Variants in OTOG observed in about 807,000 individuals in gnomAD.
The protein encoded by OTOG is otogelin.
OTOG carries 296 observed loss-of-function variants against 313.8 expected under a neutral mutation model. The ratio of observed to expected loss-of-function variants is 0.94; its 90% confidence interval spans 0.86 to 1.04. The LOEUF (loss-of-function observed/expected upper bound fraction) is 1.04. Among genes scored for constraint, OTOG ranks in the 50% least tolerant of loss-of-function variants. The probability of loss-of-function intolerance (pLI) is 0.00; values close to 1 mark genes in which losing one functional copy is unlikely to be tolerated. For synonymous variants in OTOG, 1,533 were observed against 1,554.9 expected, an observed-to-expected ratio of 0.99 and a Z score of 0.33; for missense variants, 3,948 against 3,840.1, an observed-to-expected ratio of 1.03 and a Z score of -0.74.
At chr11:17,639,952 G>A (rs763544644) in intron 49 of OTOG, among the ~76,000 whole-genome samples, 3 of 150,808 alleles carry the variant, frequency 2.0e-5, no homozygotes, top group Non-Finnish European at 4.4e-5. Context: ...TGCAATGATG[G>A]TGGTGGTGGG....
rs554754142 is a variant in OTOG, at chr11:17,623,600, A to G, written c.6529-5533A>G. On this transcript the variant is annotated intron_variant, in intron 39 of 55. Transcript: ENST00000399397. ...CTTTGCTATTGTGAGTAGTGCTACC[A>G]TGAATATATGTGTGCAGGTGTGTTT... 3.9e-5 allele frequency among the ~76,000 whole-genome samples: 6 copies of G among 152,268 alleles called. No homozygotes were observed. In the South Asian group the frequency reaches 1.2e-3, roughly 32 times the overall value.
At chr11:17,630,954 C>T (rs1238871324) in intron 40 of OTOG, among the ~76,000 whole-genome samples, 2 of 152,304 alleles carry the variant, frequency 1.3e-5, no homozygotes, top group East Asian at 3.9e-4. Flanking sequence ...ACATAAGTTC[C>T]CAAATGGATA....
At chr11:17,559,806 G>A in intron 12 of OTOG, 144 bp downstream of exon 12, 160 of 785,556 alleles carry the variant, frequency 2.0e-4, no homozygotes, top group South Asian at 1.4e-3. Context: ...AAAAAAAGAA[G>A]GAAAGAAGGA....
At position 17,596,102 on chromosome 11, in the gene OTOG, A is replaced by G. The variant is rs1159851180; in HGVS notation, c.3473A>G (p.Lys1158Arg). The G allele has an allele frequency of 6.4e-7, 1 of 1,550,716 alleles. No homozygotes were observed. Among genetic ancestry groups the G allele is most frequent in the Non-Finnish European group, 8.7e-7 (1 of 1,147,032 alleles). Reference sequence around the variant, plus strand: ...AATCCTCTCCGAGAACCATTTGCCAAGAAGGAGTGCAGCATCCTGCTCAGT... The same window carrying G: ...AATCCTCTCCGAGAACCATTTGCCAGGAAGGAGTGCAGCATCCTGCTCAGT... ...VLNPLREPFA[K>R]KECSILLSEV... Residue 1158 changes from lysine to arginine, a missense_variant, in exon 29 of 56, where the codon AAG becomes AGG. Transcript: ENST00000399397.
At position 17,599,660 on chromosome 11, in the gene OTOG, C is replaced by T. The variant is rs1318137428; in HGVS notation, c.3683-11C>T. On this transcript the variant is annotated splice_polypyrimidine_tract_variant and intron_variant, in intron 30 of 55. Coordinates refer to ENST00000399397, the MANE Select transcript of OTOG (RefSeq NM_001292063.2). ...CTGGCTCTCAGGAAGTTCCTGTTCT[C>T]TCTCTTTCAGCGTATGACTGTGACT... The T allele has an allele frequency of 1.3e-6, 2 of 1,550,570 alleles. No individual in the cohort carries two copies. The highest frequency in any genetic ancestry group is 2.0e-5 in the Admixed American group (1 of 50,990).
chr11:17,599,347 C>G (rs376916149), intron 30 of OTOG, among the ~76,000 whole-genome samples: 1 of 152,242 alleles, frequency 6.6e-6, no homozygotes, highest in Non-Finnish European at 1.5e-5. Flanking sequence ...CTCCTTGGTT[C>G]TAATCCTGCT....
rs1590065850 is a variant in OTOG, at chr11:17,645,803, C to T, written c.8601C>T (p.Ile2867=). ...CPSASIYNYN[I]NTYARFCKCC... ...CCGCCAGCATCTACAACTACAACAT[C>T]AACACCTATGCCCGATTCTGCAAGT... Residue 2867 remains isoleucine, a synonymous_variant, in exon 56 of 56, where the codon ATC becomes ATT. Coordinates refer to ENST00000399397, the MANE Select transcript of OTOG (RefSeq NM_001292063.2). The T allele has an allele frequency of 1.3e-6, 2 of 1,551,094 alleles. No homozygotes were observed. The highest frequency in any genetic ancestry group is 2.4e-5 in the East Asian group (1 of 40,920).
chr11:17,635,063 T>C lies in OTOG; in HGVS notation c.7586-17T>C. The C allele has an allele frequency of 6.5e-7, 1 of 1,544,048 alleles. No homozygotes were observed. The highest frequency in any genetic ancestry group is 8.8e-7 in the Non-Finnish European group (1 of 1,142,456). On this transcript the variant is annotated splice_polypyrimidine_tract_variant and intron_variant, in intron 45 of 55. Transcript: ENST00000399397. ...GCAGGTTCCTCTCCCAGCACCTAAA[T>C]TCAGCCTTTTCCCCAGAGTGTGACC... is the stretch of plus-strand genomic sequence containing the variant.
At position 17,591,591 on chromosome 11, in the gene OTOG, G is replaced by A; in HGVS notation, c.3006+3G>A. The A allele has an allele frequency of 6.4e-7, 1 of 1,550,516 alleles. No individual in the cohort carries two copies. The highest frequency in any genetic ancestry group is 1.2e-5 in the South Asian group (1 of 84,058). ...CATGCAAAGTGCACCTGGTCAAGGT[G>A]AGTTCCCGGATGTTTCTGCCCAGTT... On this transcript the variant is annotated splice_donor_region_variant and intron_variant, in intron 25 of 55. Coordinates refer to ENST00000399397, the MANE Select transcript of OTOG (RefSeq NM_001292063.2).
chr11:17,549,113 C>T (rs1398531080), intron 3 of OTOG, among the ~76,000 whole-genome samples: 2 of 152,176 alleles, frequency 1.3e-5, no homozygotes, highest in East Asian at 3.9e-4. Context: ...CTTTGCCAAA[C>T]TTCTTTGGTC....
At chr11:17,622,263 T>C (rs1172368824) in intron 39 of OTOG, among the ~76,000 whole-genome samples, 1 of 152,220 alleles carries the variant, frequency 6.6e-6, no homozygotes, top group African/African-American at 2.4e-5. Context: ...AGTAGGTATA[T>C]ATATTTGTGG....
At chr11:17,625,517 G>T (rs994746358) in intron 39 of OTOG, among the ~76,000 whole-genome samples, 7 of 152,124 alleles carry the variant, frequency 4.6e-5, no homozygotes, top group Admixed American at 1.3e-4. Flanking sequence ...CTTGATCGTG[G>T]TGAATAAGCT....
At position 17,595,934 on chromosome 11, in the gene OTOG, TC is replaced by T. The variant is rs2134065058; in HGVS notation, c.3409-103del. 3.9e-6 allele frequency: 3 copies of T among 774,812 alleles called. No homozygotes were observed. In the East Asian group the frequency reaches 8.0e-5, roughly 21 times the overall value. The allele number at this position is 774,812 out of a possible 1,614,324, so 48.0% of individuals were successfully genotyped here. Reference sequence around the variant, plus strand: ...AGGAGATTTTACAAGGACCTGAATATCAGGGGGCAAGGATCATGGCGGCCAC... The same window carrying T: ...AGGAGATTTTACAAGGACCTGAATATAGGGGGCAAGGATCATGGCGGCCAC... On this transcript the variant is annotated intron_variant, in intron 28 of 55. Transcript: ENST00000399397.
chr11:17,580,999 A>T (rs747485882), intron 23 of OTOG, among the ~76,000 whole-genome samples: 2 of 152,200 alleles, frequency 1.3e-5, no homozygotes, highest in Non-Finnish European at 2.9e-5. Context: ...AGAGTGGAAG[A>T]TCAGTAGTTT....
rs1220318944 is a variant in OTOG, at chr11:17,641,836, C to G, written c.8191-11C>G. The G allele has an allele frequency of 1.9e-6, 3 of 1,545,948 alleles. No homozygotes were observed. The South Asian group carries it at 3.6e-5, about 19-fold the overall frequency. ...GCATCTGGCTGAGGCCCACCCCGCC[C>G]TGGCCTGTAGAACCAGGAGTACGAG... On this transcript the variant is annotated splice_polypyrimidine_tract_variant and intron_variant, in intron 51 of 55. Coordinates refer to ENST00000399397, the MANE Select transcript of OTOG (RefSeq NM_001292063.2).
intron 31 of OTOG, among the ~76,000 whole-genome samples, chr11:17,601,787 A>C (rs1043298413): frequency 6.6e-6 from 1 of 152,156 alleles, no homozygotes; most frequent in African/African-American, 2.4e-5. Flanking sequence ...TTAGATAAAC[A>C]CTAACAGGTT....
chr11:17,624,950 C>A (rs779472324), intron 39 of OTOG, among the ~76,000 whole-genome samples: 1 of 152,126 alleles, frequency 6.6e-6, no homozygotes, highest in African/African-American at 2.4e-5. Flanking sequence ...TGATTTGGCT[C>A]TCGGCTTAGC....
intron 33 of OTOG, 110 bp downstream of exon 33, chr11:17,606,245 C>T: frequency 7.5e-7 from 1 of 1,338,664 alleles, no homozygotes; most frequent in Non-Finnish European, 9.9e-7. Flanking sequence ...GCAGAATCCT[C>T]CTTCTCCTGG....
intron 38 of OTOG, among the ~76,000 whole-genome samples, chr11:17,613,172 TTC>T (rs1479954705): frequency 6.1e-5 from 6 of 98,720 alleles, no homozygotes; most frequent in African/African-American, 2.5e-4. Context: ...CTTCTCCCTT[TTC>T]TTTCTTTCTT....
Sources: gnomAD v4.1 joint callset for allele counts (sites outside exome capture counted in the v4.1 genomes callset) on GRCh38, gnomAD v4.1.1 for gene constraint, MANE v1.5 for transcripts, NCBI Gene and HGNC (gene_info 2026-07-23, HGNC 2026-07-21) for gene names.